The following ACMSD variants were observed in gnomAD, a reference collection of about 807,000 sequenced individuals.
ACMSD encodes aminocarboxymuconate semialdehyde decarboxylase, also known as 2-amino-3-carboxymuconate-6-semialdehyde decarboxylase.
ACMSD carries 37 observed loss-of-function variants against 45.9 expected under a neutral mutation model. The observed-to-expected ratio is 0.81, with a 90% CI of 0.62 to 1.06. The LOEUF (loss-of-function observed/expected upper bound fraction) is 1.06, where lower values mean the gene tolerates loss of function less well. Ranked by LOEUF, ACMSD falls within the 50% of genes least tolerant of loss-of-function variation. The pLI is 0.00. For missense variants in ACMSD, 434 were observed against 420.9 expected (o/e 1.03, Z -0.27); for synonymous variants, 138 against 148.8 (o/e 0.93, Z 0.53).
chr2:134,854,446 C>G (rs1051695299), intron 2 of ACMSD, among the ~76,000 whole-genome samples: 3 of 152,190 alleles, frequency 2.0e-5, no homozygotes, highest in Non-Finnish European at 4.4e-5. Flanking sequence ...GCAAGTGTTG[C>G]CACTCCCAGT....
chr2:134,881,212 G>A (rs955160957), intron 8 of ACMSD, among the ~76,000 whole-genome samples: 1 of 152,208 alleles, frequency 6.6e-6, no homozygotes, highest in African/African-American at 2.4e-5. Flanking sequence ...TGTTGGCCAG[G>A]CTGGTCTCAA....
chr2:134,899,913 A>G (rs1690402275), intron 9 of ACMSD, among the ~76,000 whole-genome samples: 1 of 152,158 alleles, frequency 6.6e-6, no homozygotes, highest in Admixed American at 6.6e-5. Context: ...CTTTTGTGAA[A>G]AAGAATCTTT....
rs537585346 is a variant in ACMSD at position 134,851,723 on chromosome 2, G to A, written c.102+6446G>A. 4.6e-5 allele frequency among the ~76,000 whole-genome samples: 7 copies of A among 152,262 alleles called. No individual in the cohort carries two copies. In the East Asian group the frequency reaches 5.8e-4, roughly 13 times the overall value. On this transcript the variant is annotated intron_variant, in intron 2 of 9. Coordinates refer to ENST00000356140, the MANE Select transcript of ACMSD (RefSeq NM_138326.3). Reference sequence around the variant, plus strand: ...CTCCCAAAGTGCTGGGATTACAGGCGTGAGCCACCATGCCTGGCCACAATC... The same window carrying A: ...CTCCCAAAGTGCTGGGATTACAGGCATGAGCCACCATGCCTGGCCACAATC...
intron 8 of ACMSD, among the ~76,000 whole-genome samples, chr2:134,886,447 A>G (rs1689467324): frequency 6.6e-6 from 1 of 151,666 alleles, no homozygotes; most frequent in Admixed American, 6.6e-5. Flanking sequence ...ACGGCGTTTC[A>G]CCGCGTTAGC....
chr2:134,868,422 C>T (rs1688234448), intron 6 of ACMSD, among the ~76,000 whole-genome samples: 1 of 151,526 alleles, frequency 6.6e-6, no homozygotes, highest in Non-Finnish European at 1.5e-5. Context: ...AAACTTGGTC[C>T]CCAAATGAAA....
intron 8 of ACMSD, among the ~76,000 whole-genome samples, chr2:134,888,304 A>G (rs558612339): frequency 2.0e-5 from 3 of 152,196 alleles, no homozygotes; most frequent in Non-Finnish European, 4.4e-5. Flanking sequence ...GAAAAATGCA[A>G]TTTAAACTAT....
intron 9 of ACMSD, among the ~76,000 whole-genome samples, chr2:134,901,109 A>G (rs964062413): frequency 1.3e-5 from 2 of 152,184 alleles, no homozygotes; most frequent in Non-Finnish European, 2.9e-5. Flanking sequence ...ATAGAAGGAC[A>G]CATTAATGGT....
chr2:134,897,088 C>G (rs1690197504), intron 8 of ACMSD, among the ~76,000 whole-genome samples: 1 of 151,704 alleles, frequency 6.6e-6, no homozygotes, highest in Admixed American at 6.6e-5. Context: ...TATGAATATA[C>G]TAAAACCCAT....
chr2:134,842,568 C>G (rs1488078567), intron 1 of ACMSD, among the ~76,000 whole-genome samples: 1 of 152,156 alleles, frequency 6.6e-6, no homozygotes, highest in Non-Finnish European at 1.5e-5. Flanking sequence ...ATACTCACTA[C>G]TTCAGCCACA....
At chr2:134,867,015 C>T (rs900720283) in intron 5 of ACMSD, among the ~76,000 whole-genome samples, 4 of 152,206 alleles carry the variant, frequency 2.6e-5, no homozygotes, top group African/African-American at 9.7e-5. Flanking sequence ...CTCTGAGTAA[C>T]CAGGTGGCTT....
At chr2:134,850,608 G>T (rs1027313009) in intron 2 of ACMSD, among the ~76,000 whole-genome samples, 1 of 152,042 alleles carries the variant, frequency 6.6e-6, no homozygotes, top group African/African-American at 2.4e-5. Context: ...GCCAAAACTG[G>T]CTGAAAGCCA....
In ACMSD at chr2:134,863,541, T is replaced by C. The variant is rs1167790002; in HGVS notation, c.396T>C (p.Cys132=). The change falls in exon 5 of 10, where the codon TGT becomes TGC. Residue 132 remains cysteine, a synonymous_variant. Coordinates refer to ENST00000356140, the MANE Select transcript of ACMSD (RefSeq NM_138326.3). ...TGGCGGTCAAGGAGATGGAGCGCTG[T>C]GTGAAAGAGCTGGGCTTTCCCGGGG... ...PELAVKEMER[C]VKELGFPGVQ... The C allele has an allele frequency of 5.6e-6, 9 of 1,614,220 alleles. No homozygotes were observed. The highest frequency in any genetic ancestry group is 7.6e-6 in the Non-Finnish European group (9 of 1,180,034).
chr2:134,892,354 T>C (rs1017565322), intron 8 of ACMSD, among the ~76,000 whole-genome samples: 12 of 151,988 alleles, frequency 7.9e-5, no homozygotes, highest in Non-Finnish European at 1.5e-4. Flanking sequence ...AAGGGATTAT[T>C]GACAAAGTTG....
intron 8 of ACMSD, among the ~76,000 whole-genome samples, chr2:134,880,613 G>C (rs74437351): frequency 2.0e-5 from 3 of 151,462 alleles, no homozygotes; most frequent in African/African-American, 7.3e-5. Flanking sequence ...TTAATATCCT[G>C]TCCTTGTTGG....
intron 8 of ACMSD, among the ~76,000 whole-genome samples, chr2:134,894,747 G>GCT (rs1689995572): frequency 2.0e-5 from 3 of 151,982 alleles, no homozygotes; most frequent in Admixed American, 1.3e-4. Context: ...AGGCAATTAG[G>GCT]CAAGAAAAAC....
chr2:134,853,925 T>C (rs1218175458), intron 2 of ACMSD, among the ~76,000 whole-genome samples: 3 of 152,204 alleles, frequency 2.0e-5, no homozygotes, highest in East Asian at 1.9e-4. Flanking sequence ...TAGGAAATTA[T>C]AGTAATTAAC....
intron 2 of ACMSD, among the ~76,000 whole-genome samples, chr2:134,852,343 G>C (rs745708312): frequency 1.3e-5 from 2 of 152,162 alleles, no homozygotes; most frequent in Non-Finnish European, 2.9e-5. Flanking sequence ...TGGAAGCAGG[G>C]AGATGGGGCT....
At chr2:134,863,757 G>A (rs1687963157) in intron 5 of ACMSD, 126 bp downstream of exon 5, 2 of 930,468 alleles carry the variant, frequency 2.1e-6, no homozygotes, top group African/African-American at 1.6e-5. Context: ...TCCACGACTT[G>A]TTTGATGTAG....
At position 134,873,039 on chromosome 2, in the gene ACMSD, G is replaced by T. The variant is rs530894529; in HGVS notation, c.849+398G>T. The stretch of plus-strand genomic sequence containing the variant: ...AAAATCCTGGCTCTACCTTTCACTA[G>T]TTGGGTAAATTGTGAATACAACTGT... On this transcript the variant is annotated intron_variant, in intron 8 of 9. Transcript: ENST00000356140. 4.4e-5 allele frequency: 9 copies of T among 204,082 alleles called. No individual in the cohort carries two copies. The South Asian group carries it at 7.2e-4, about 16-fold the overall frequency. 12.6% of individuals were successfully genotyped at this position (204,082 alleles called of 1,614,324 possible).
Sources: allele counts gnomAD v4.1 joint callset (sites outside exome capture counted in the v4.1 genomes callset), GRCh38; gene constraint gnomAD v4.1.1; transcripts MANE v1.5; gene names NCBI Gene and HGNC (gene_info 2026-07-23, HGNC 2026-07-21).